CACNA2D4: variants seen among roughly 807,000 people sequenced by gnomAD.
CACNA2D4 encodes voltage-dependent calcium channel subunit alpha-2/delta-4.
CACNA2D4 carries 157 observed loss-of-function variants against 163.8 expected under a neutral mutation model. The observed-to-expected ratio is 0.96, with a 90% CI of 0.84 to 1.09. The LOEUF is 1.09. CACNA2D4 is among the 50% of genes least tolerant of loss of function. The probability of loss-of-function intolerance (pLI) is 0.00; values close to 1 mark genes in which losing one functional copy is unlikely to be tolerated. For missense variants in CACNA2D4, 1,410 were observed against 1,479.9 expected (o/e 0.95, Z 0.78); for synonymous variants, 598 against 586.9 (o/e 1.02, Z -0.27).
rs1486265240 is a variant in CACNA2D4, at chr12:1,846,653, G to T, written c.2283C>A (p.Gly761=). The change falls in exon 24 of 38, where the codon GGC becomes GGA. Residue 761 remains glycine, a synonymous_variant. Coordinates refer to ENST00000382722, the MANE Select transcript of CACNA2D4 (RefSeq NM_172364.5). ...TGCTTCTCAGGAGGCCAGCCCGGGT[G>T]CCCAGGAAGGCCATGTCCACCACGT... ...SEHVVDMAFL[G]TRAGLLRSSL... The T allele has an allele frequency of 1.9e-6, 3 of 1,603,394 alleles. No homozygotes were observed. Among genetic ancestry groups the T allele is most frequent in the Non-Finnish European group, 2.5e-6 (3 of 1,177,056 alleles).
chr12:1,839,161 C>G (rs1864956438), intron 26 of CACNA2D4, among the ~76,000 whole-genome samples: 1 of 152,208 alleles, frequency 6.6e-6, no homozygotes, highest in East Asian at 1.9e-4. Flanking sequence ...TTGCCCTGAC[C>G]CTGTCTGCTC....
rs1256201145 is a variant in CACNA2D4, at chr12:1,879,841, G to A, written c.1526C>T (p.Thr509Ile). 1.2e-6 allele frequency: 2 copies of A among 1,603,508 alleles called. No individual in the cohort carries two copies. The highest frequency in any genetic ancestry group is 4.5e-5 in the East Asian group (2 of 44,558). ...CTTGCTGAAGACTGGCATGGCCACAGTGGTGAGCAGTGTCAGGCTCTGAGC... is the reference window on the plus strand; with the variant it reads ...CTTGCTGAAGACTGGCATGGCCACAATGGTGAGCAGTGTCAGGCTCTGAGC... The part of the protein sequence containing the change: ...SQAQSLTLLT[T>I]VAMPVFSKKN... The change falls in exon 14 of 38, where the codon ACT becomes ATT. Residue 509 changes from threonine (T) to isoleucine (I), a missense_variant. Thr to Ile is a moderately conservative substitution (Grantham distance 89). Transcript: ENST00000382722.
At chr12:1,839,405 G>A (rs1592702268) in intron 26 of CACNA2D4, among the ~76,000 whole-genome samples, 1 of 152,252 alleles carries the variant, frequency 6.6e-6, no homozygotes, top group Non-Finnish European at 1.5e-5. Flanking sequence ...CAAGGACTCT[G>A]CAGGCACGAA....
intron 23 of CACNA2D4, among the ~76,000 whole-genome samples, chr12:1,851,638 T>TGGTGTGTG (rs2154448179): frequency 7.3e-6 from 1 of 136,250 alleles, no homozygotes; most frequent in South Asian, 2.6e-4. Flanking sequence ...TCTTTGCTTT[T>TGGTGTGTG]TTTGGTGTGT....
chr12:1,890,530 C>A (rs554368647), intron 6 of CACNA2D4, among the ~76,000 whole-genome samples: 5 of 152,238 alleles, frequency 3.3e-5, no homozygotes, highest in Non-Finnish European at 7.3e-5. Context: ...CTGCTGCCAA[C>A]AGGGATGAAG....
chr12:1,838,272 C>T (rs1448712727), intron 26 of CACNA2D4, among the ~76,000 whole-genome samples: 1 of 152,146 alleles, frequency 6.6e-6, no homozygotes, highest in Non-Finnish European at 1.5e-5. Context: ...CCCGCCACTG[C>T]CCCCGTGGCT....
At chr12:1,902,768 T>G (rs1052984805) in intron 6 of CACNA2D4, among the ~76,000 whole-genome samples, 2 of 152,106 alleles carry the variant, frequency 1.3e-5, no homozygotes, top group Admixed American at 1.3e-4. Flanking sequence ...AGAATTAATA[T>G]AGTTAAAATG....
At chr12:1,913,238 C>A in intron 2 of CACNA2D4, 99 bp from the exon 3 acceptor site, 2 of 819,682 alleles carry the variant, frequency 2.4e-6, no homozygotes, top group East Asian at 2.6e-5. Context: ...AGATGCATTC[C>A]GGCACATGGA....
At chr12:1,846,349 C>T (rs557993948) in intron 24 of CACNA2D4, among the ~76,000 whole-genome samples, 16 of 151,070 alleles carry the variant, frequency 1.1e-4, no homozygotes, top group South Asian at 8.3e-4. Context: ...TGTAAGCCTT[C>T]GGGGAAGGGT....
intron 6 of CACNA2D4, among the ~76,000 whole-genome samples, chr12:1,899,141 A>G (rs1297752998): frequency 6.6e-6 from 1 of 152,114 alleles, no homozygotes; most frequent in Non-Finnish European, 1.5e-5. Flanking sequence ...AAACCTCACT[A>G]CCAATCAAAA....
chr12:1,872,729 C>T (rs1343899624), intron 18 of CACNA2D4, among the ~76,000 whole-genome samples: 1 of 152,098 alleles, frequency 6.6e-6, no homozygotes, highest in East Asian at 1.9e-4. Context: ...TCGGCGGCCC[C>T]ACACCAGCAA....
At chr12:1,804,058 C>T (rs1317784296) in intron 29 of CACNA2D4, among the ~76,000 whole-genome samples, 1 of 152,144 alleles carries the variant, frequency 6.6e-6, no homozygotes, top group Non-Finnish European at 1.5e-5. Flanking sequence ...CTGAAGCTCT[C>T]CCTGGTGCCT....
chr12:1,907,950 T>C lies in CACNA2D4; in HGVS notation c.574A>G (p.Asn192Asp), dbSNP rs1238886547. The change falls in exon 5 of 38, where the codon AAT (asparagine) becomes GAT (aspartate). Residue 192 changes from asparagine to aspartate, a missense_variant. Physicochemically the swap from Asn to Asp is conservative, Grantham distance 23 (BLOSUM62 1). Coordinates refer to ENST00000382722, the MANE Select transcript of CACNA2D4 (RefSeq NM_172364.5). The stretch of plus-strand genomic sequence containing the variant: ...ACCGGCAGGTTGCTGAAGTGAGCAT[T>C]GGACTCCAGGAGGAACTCGGCGCCC... ...ELGAEFLLES[N>D]AHFSNLPVNT... The C allele has an allele frequency of 1.3e-5, 21 of 1,613,906 alleles. No individual in the cohort carries two copies. The highest frequency in any genetic ancestry group is 1.8e-5 in the Non-Finnish European group (21 of 1,179,894).
rs545533620 is a variant in CACNA2D4, at chr12:1,887,014, G to A, written c.837C>T (p.Arg279=). The A allele has an allele frequency of 7.8e-4, 1,231 of 1,586,830 alleles. 13 individuals are homozygous for A. In the South Asian group the frequency reaches 0.012, roughly 16 times the overall value. ...NGVITFDCRN[R]GWYIQAATSP... ...TTTCCCCTGTGAGCTCTTACCAGCC[G>A]CGGTTTCGGCAGTCAAAAGTAATGA... is the stretch of plus-strand genomic sequence containing the variant. Residue 279 remains arginine (R), a synonymous_variant, in exon 7 of 38, where the codon CGC becomes CGT. Coordinates refer to ENST00000382722, the MANE Select transcript of CACNA2D4 (RefSeq NM_172364.5).
In CACNA2D4 at chr12:1,814,681, C is replaced by T. The variant is rs115575913; in HGVS notation, c.2552-2958G>A. Among the ~76,000 whole-genome samples, 462 of 152,338 alleles carry T rather than the reference C, an allele frequency of 3.0e-3. 2 individuals carry two copies. The highest frequency in any genetic ancestry group is 0.011 in the African/African-American group (444 of 41,564). Reference sequence around the variant, plus strand: ...ACCTCAGTTCCAAAACTTTATAAATCTGTCCGCTTCCCTCCATCTCCACCG... The same window carrying T: ...ACCTCAGTTCCAAAACTTTATAAATTTGTCCGCTTCCCTCCATCTCCACCG... On this transcript the variant is annotated intron_variant, in intron 26 of 37. Transcript: ENST00000382722.
At chr12:1,871,737 C>G (rs1046029084) in intron 18 of CACNA2D4, among the ~76,000 whole-genome samples, 1 of 152,094 alleles carries the variant, frequency 6.6e-6, no homozygotes, top group Non-Finnish European at 1.5e-5. Flanking sequence ...GTGTACAATA[C>G]ACGTGTGCTG....
intron 18 of CACNA2D4, among the ~76,000 whole-genome samples, chr12:1,871,398 GCTGGTGTGTGTACAAATGTGTGCCA>G (rs1295241995): frequency 7.4e-6 from 1 of 135,014 alleles, no homozygotes. Flanking sequence ...TACACGTGCT[GCTGGTGTGTGTACAAATGTGTGCCA>G]CTGGTGTGTG....
chr12:1,871,121 ATGTACACGTGTGTTGCTGGTGTGTG>A (rs1354625578), intron 18 of CACNA2D4, among the ~76,000 whole-genome samples: 89 of 145,570 alleles, frequency 6.1e-4, no homozygotes, highest in African/African-American at 2.2e-3. Flanking sequence ...TTGTGTGCAT[ATGTACACGTGTGTTGCTGGTGTGTG>A]TGTACACATG....
At chr12:1,865,020 T>A (rs1461801728) in intron 18 of CACNA2D4, among the ~76,000 whole-genome samples, 4 of 152,060 alleles carry the variant, frequency 2.6e-5, no homozygotes, top group African/African-American at 9.7e-5. Context: ...CTGGCTGAGG[T>A]CATGCCCAGG....
Sources: allele counts gnomAD v4.1 joint callset (sites outside exome capture counted in the v4.1 genomes callset), GRCh38; gene constraint gnomAD v4.1.1; transcripts MANE v1.5; gene names NCBI Gene and HGNC (gene_info 2026-07-23, HGNC 2026-07-21).